STXBP5L: variants seen among roughly 807,000 people sequenced by gnomAD.
STXBP5L encodes syntaxin-binding protein 5-like.
In STXBP5L, 65 loss-of-function variants were observed where a neutral mutation model predicts 144.5. That is an observed-to-expected ratio of 0.45 (90% CI 0.37 to 0.55). STXBP5L has a LOEUF of 0.55. Ranked by LOEUF, STXBP5L falls within the 20% of genes least tolerant of loss-of-function variation. STXBP5L has a pLI of 0.00. For synonymous variants in STXBP5L, 505 were observed against 469.6 expected (o/e 1.08, Z -0.97); for missense variants, 1,298 against 1,405.5 (o/e 0.92, Z 1.22).
At chr3:120,959,534 G>A (rs1938487393) in intron 3 of STXBP5L, among the ~76,000 whole-genome samples, 1 of 152,176 alleles carries the variant, frequency 6.6e-6, no homozygotes. Context: ...AAACAGCATG[G>A]TACTGGTACC....
At chr3:121,163,799 A>G (rs1345809319) in intron 9 of STXBP5L, among the ~76,000 whole-genome samples, 1 of 151,972 alleles carries the variant, frequency 6.6e-6, no homozygotes, top group Admixed American at 6.6e-5. Context: ...AATGTCACTG[A>G]GATGGTAAGC....
chr3:121,399,515 G>GT (rs1377173744), intron 22 of STXBP5L, among the ~76,000 whole-genome samples: 1 of 152,102 alleles, frequency 6.6e-6, no homozygotes, highest in Non-Finnish European at 1.5e-5. Context: ...ATTTACCCAC[G>GT]TATTTATCAA....
At chr3:121,220,667 A>C (rs974426265) in intron 10 of STXBP5L, among the ~76,000 whole-genome samples, 2 of 152,090 alleles carry the variant, frequency 1.3e-5, no homozygotes, top group Non-Finnish European at 2.9e-5. Context: ...CAAATTATCA[A>C]ATTATCAAAA....
rs1179001651 is a variant in STXBP5L, at chr3:121,249,431, A to C, written c.1401-1292A>C. On this transcript the variant is annotated intron_variant, in intron 14 of 26. Transcript: ENST00000471454. The stretch of plus-strand genomic sequence containing the variant: ...ATACAGATCTGGCACAAATTGTGTT[A>C]GATTTTATCTATTTCTTGGTTTTGG... Among the ~76,000 whole-genome samples the C allele has an allele frequency of 3.3e-5, 5 of 152,144 alleles. No individual in the cohort carries two copies. In the East Asian group the frequency reaches 9.6e-4, roughly 29 times the overall value.
intron 5 of STXBP5L, among the ~76,000 whole-genome samples, chr3:121,089,733 G>C (rs886316718): frequency 6.6e-6 from 1 of 151,384 alleles, no homozygotes; most frequent in Non-Finnish European, 1.5e-5. Context: ...TATTGGTTTT[G>C]TCCCATAGGT....
At chr3:121,170,713 C>T (rs1224617776) in intron 9 of STXBP5L, among the ~76,000 whole-genome samples, 1 of 152,162 alleles carries the variant, frequency 6.6e-6, no homozygotes, top group Non-Finnish European at 1.5e-5. Context: ...GCCTACCAAC[C>T]AAAAACAACC....
rs544043852 is a variant in STXBP5L at position 121,015,881 on chromosome 3, A to T, written c.288-25819A>T. Among the ~76,000 whole-genome samples the T allele has an allele frequency of 3.1e-4, 47 of 152,298 alleles. No homozygotes were observed. In the South Asian group the frequency reaches 9.7e-3, roughly 32 times the overall value. On this transcript the variant is annotated intron_variant, in intron 3 of 26. Coordinates refer to ENST00000471454, the MANE Select transcript of STXBP5L (RefSeq NM_001308330.2). ...CACTTGTGAATGTCACAGCCCAGAC[A>T]CACAGACCCATTATATCAAGACTGA...
intron 5 of STXBP5L, among the ~76,000 whole-genome samples, chr3:121,093,915 A>G (rs187616562): frequency 4.3e-4 from 66 of 152,200 alleles, no homozygotes; most frequent in Middle Eastern, 6.8e-3. Flanking sequence ...ATTTAGTGCT[A>G]TACATTTCCC....
intron 13 of STXBP5L, 31 bp downstream of exon 13, chr3:121,239,149 T>A: frequency 1.5e-6 from 2 of 1,291,494 alleles, no homozygotes; most frequent in Non-Finnish European, 2.1e-6. Context: ...TAACTTTTTT[T>A]GTATTCATAT....
At chr3:120,936,891 G>A (rs1710292822) in intron 2 of STXBP5L, among the ~76,000 whole-genome samples, 1 of 152,124 alleles carries the variant, frequency 6.6e-6, no homozygotes, top group South Asian at 2.1e-4. Flanking sequence ...GAGCCCTATT[G>A]ATGTGGTGTT....
intron 3 of STXBP5L, among the ~76,000 whole-genome samples, chr3:121,002,097 ATAGTAT>A (rs1943829505): frequency 6.6e-6 from 1 of 152,186 alleles, no homozygotes; most frequent in Non-Finnish European, 1.5e-5. Context: ...ACTGGATCAT[ATAGTAT>A]TTTTAATTAT....
At chr3:121,191,624 C>T (rs1302204660) in intron 9 of STXBP5L, among the ~76,000 whole-genome samples, 2 of 152,008 alleles carry the variant, frequency 1.3e-5, no homozygotes, top group Non-Finnish European at 2.9e-5. Context: ...ATGGGGATGG[C>T]ATTGATTTTC....
At chr3:121,290,517 A>G (rs2051396140) in intron 19 of STXBP5L, among the ~76,000 whole-genome samples, 1 of 152,166 alleles carries the variant, frequency 6.6e-6, no homozygotes, top group Admixed American at 6.5e-5. Context: ...ACTATTCCAG[A>G]AGATAGAGAA....
At chr3:121,059,365 C>T (rs989255772) in intron 5 of STXBP5L, among the ~76,000 whole-genome samples, 1 of 151,982 alleles carries the variant, frequency 6.6e-6, no homozygotes, top group Non-Finnish European at 1.5e-5. Context: ...ATGGTGTTTT[C>T]ATTACTGTAG....
intron 15 of STXBP5L, among the ~76,000 whole-genome samples, 189 bp from the exon 16 acceptor site, chr3:121,254,706 C>A (rs2050149799): frequency 6.6e-6 from 1 of 151,900 alleles, no homozygotes; most frequent in East Asian, 1.9e-4. Flanking sequence ...TTATTTTTTT[C>A]CCTGTAGTCT....
At chr3:121,367,790 C>CTTTTTTTTTTTTTT (rs200992044) in intron 20 of STXBP5L, among the ~76,000 whole-genome samples, 23 of 106,300 alleles carry the variant, frequency 2.2e-4, no homozygotes, top group African/African-American at 3.4e-4. Flanking sequence ...TTTGCTTTTC[C>CTTTTTTTTTTTTTT]TTTTTTTTTT....
intron 3 of STXBP5L, among the ~76,000 whole-genome samples, chr3:120,991,435 G>A (rs1219150078): frequency 2.0e-5 from 2 of 100,674 alleles, no homozygotes; most frequent in Non-Finnish European, 4.3e-5. Flanking sequence ...ATTCCTCAGG[G>A]ATCTAGAACT....
chr3:121,367,595 GTTTTTTTTTTTTT>G (rs57288480), intron 20 of STXBP5L, among the ~76,000 whole-genome samples: 19 of 51,336 alleles, frequency 3.7e-4, no homozygotes, highest in African/African-American at 7.8e-5. Context: ...TTCGACTCTT[GTTTTTTTTTTTTT>G]TTTTTTTTTT....
At chr3:120,995,329 G>T (rs1276196318) in intron 3 of STXBP5L, among the ~76,000 whole-genome samples, 1 of 151,806 alleles carries the variant, frequency 6.6e-6, no homozygotes, top group Non-Finnish European at 1.5e-5. Context: ...TTTATTTTTT[G>T]TAGATGTAGG....
Sources: gnomAD v4.1 joint callset for allele counts (sites outside exome capture counted in the v4.1 genomes callset) on GRCh38, gnomAD v4.1.1 for gene constraint, MANE v1.5 for transcripts, NCBI Gene and HGNC (gene_info 2026-07-23, HGNC 2026-07-21) for gene names.